TRIM71: variants seen among roughly 807,000 people sequenced by gnomAD.
The protein encoded by TRIM71 is E3 ubiquitin-protein ligase TRIM71.
In TRIM71, 9 loss-of-function variants were observed where a neutral mutation model predicts 61.2. That is an observed-to-expected ratio of 0.15 (90% CI 0.09 to 0.26). The LOEUF (loss-of-function observed/expected upper bound fraction) is 0.26, where lower values mean the gene tolerates loss of function less well. TRIM71 is among the 10% of genes least tolerant of loss of function. The probability of loss-of-function intolerance (pLI) is 1.00; values close to 1 mark genes in which losing one functional copy is unlikely to be tolerated. For missense variants in TRIM71, 998 were observed against 1,238.7 expected (o/e 0.81, Z 2.92); for synonymous variants, 645 against 553.2 (o/e 1.17, Z -2.33).
chr3:32,838,443 C>T (rs571105951), intron 1 of TRIM71, among the ~76,000 whole-genome samples: 4 of 151,102 alleles, frequency 2.6e-5, no homozygotes, highest in African/African-American at 4.9e-5. Context: ...AGGCTGGTCT[C>T]GAACTCCTGA....
chr3:32,865,815 C>CTTTTT (rs139123002), intron 1 of TRIM71, among the ~76,000 whole-genome samples: 5 of 16,298 alleles, frequency 3.1e-4, no homozygotes, highest in African/African-American at 6.0e-4. Context: ...CCCGCCCCAC[C>CTTTTT]TTTTTTTTTT....
chr3:32,834,790 C>T lies in TRIM71; in HGVS notation c.852+15858C>T, dbSNP rs528594911. ...CTGGGAGGTGGAGGTTGCAGTGAGC[C>T]GAGATCGCACGGCTGCACTCCAGCC... On this transcript the variant is annotated intron_variant, in intron 1 of 3. Coordinates refer to ENST00000383763, the MANE Select transcript of TRIM71 (RefSeq NM_001039111.3). Among the ~76,000 whole-genome samples the T allele has an allele frequency of 3.6e-3, 544 of 152,072 alleles. 4 individuals are homozygous for T. The highest frequency in any genetic ancestry group is 0.012 in the African/African-American group (516 of 41,484).
intron 1 of TRIM71, among the ~76,000 whole-genome samples, chr3:32,837,939 G>A (rs1205334792): frequency 1.3e-5 from 2 of 152,192 alleles, no homozygotes; most frequent in Non-Finnish European, 2.9e-5. Flanking sequence ...AGGGCACATT[G>A]TTTTCCTCTG....
At chr3:32,836,258 C>A (rs1324310335) in intron 1 of TRIM71, among the ~76,000 whole-genome samples, 1 of 148,816 alleles carries the variant, frequency 6.7e-6, no homozygotes, top group Non-Finnish European at 1.5e-5. Flanking sequence ...TGCCATCAAT[C>A]TAATGAAAAA....
At chr3:32,838,990 G>A (rs191041498) in intron 1 of TRIM71, among the ~76,000 whole-genome samples, 91 of 151,252 alleles carry the variant, frequency 6.0e-4, no homozygotes, top group Admixed American at 2.0e-3. Flanking sequence ...TAATAGAGTC[G>A]GGGTTTCACC....
At chr3:32,840,365 T>A (rs1362368935) in intron 1 of TRIM71, among the ~76,000 whole-genome samples, 1 of 152,154 alleles carries the variant, frequency 6.6e-6, no homozygotes, top group Non-Finnish European at 1.5e-5. Flanking sequence ...AGTAAAATGT[T>A]TGCACTGGTT....
Position 32,891,372 on chromosome 3 carries a change from G to A in TRIM71, c.2168G>A (p.Arg723Gln). The A allele has an allele frequency of 1.2e-6, 2 of 1,614,112 alleles. No individual in the cohort carries two copies. The highest frequency in any genetic ancestry group is 1.7e-6 in the Non-Finnish European group (2 of 1,180,030). The change falls in exon 4 of 4, where the codon CGG (arginine) becomes CAG (glutamine). Residue 723 changes from arginine to glutamine, a missense_variant. Arg to Gln is a conservative substitution (Grantham distance 43). Coordinates refer to ENST00000383763, the MANE Select transcript of TRIM71 (RefSeq NM_001039111.3). This position sits in a 1 kb window ranked among gnomAD's most constrained non-coding sequence, Gnocchi z 8.2. ...CTGGTCTCAGACACGAGGAACCACC[G>A]GATCCAGCTGTTTGGGCCTGATGGT... ...KILVSDTRNH[R>Q]IQLFGPDGVF...
chr3:32,846,620 A>G (rs2125680640), intron 1 of TRIM71, among the ~76,000 whole-genome samples: 1 of 152,130 alleles, frequency 6.6e-6, no homozygotes, highest in South Asian at 2.1e-4. Flanking sequence ...TGAAACTTTT[A>G]ACCGACATCT....
At chr3:32,852,353 G>C (rs570236170) in intron 1 of TRIM71, among the ~76,000 whole-genome samples, 1 of 152,234 alleles carries the variant, frequency 6.6e-6, no homozygotes, top group Admixed American at 6.5e-5. Flanking sequence ...GTCCACTACT[G>C]GGTTTATGCC....
intron 1 of TRIM71, among the ~76,000 whole-genome samples, chr3:32,853,489 ATGGACATTTAGTT>A (rs1334198528): frequency 6.6e-6 from 1 of 152,210 alleles, no homozygotes; most frequent in Non-Finnish European, 1.5e-5. Context: ...TACTCTATTA[ATGGACATTTAGTT>A]TGCTTCCAGT....
intron 1 of TRIM71, among the ~76,000 whole-genome samples, chr3:32,863,002 A>C (rs1385904505): frequency 6.6e-6 from 1 of 152,160 alleles, no homozygotes; most frequent in African/African-American, 2.4e-5. Context: ...AAATGGTAGC[A>C]ACCTATTAGA....
intron 2 of TRIM71, among the ~76,000 whole-genome samples, chr3:32,876,977 A>G (rs1193066552): frequency 6.6e-6 from 1 of 152,132 alleles, no homozygotes; most frequent in Non-Finnish European, 1.5e-5. Context: ...GTGTGTGCCC[A>G]ACATTAATCT....
chr3:32,831,610 C>A (rs527375689), intron 1 of TRIM71, among the ~76,000 whole-genome samples: 107 of 145,446 alleles, frequency 7.4e-4, no homozygotes, highest in African/African-American at 2.6e-3. Context: ...GCGATCTCGG[C>A]TCTCTGCAAC....
intron 1 of TRIM71, among the ~76,000 whole-genome samples, chr3:32,825,312 CTTTT>C (rs536941874): frequency 6.6e-6 from 1 of 151,802 alleles, no homozygotes; most frequent in East Asian, 1.9e-4. Flanking sequence ...GGCTAAAACG[CTTTT>C]TTTTAAGTGG....
intron 1 of TRIM71, among the ~76,000 whole-genome samples, chr3:32,859,628 C>A (rs911934084): frequency 3.3e-5 from 5 of 152,174 alleles, no homozygotes; most frequent in African/African-American, 1.2e-4. Context: ...GTTGGTCTTT[C>A]TTCTGATTGT....
intron 1 of TRIM71, among the ~76,000 whole-genome samples, chr3:32,826,193 T>G (rs1170012306): frequency 6.6e-6 from 1 of 152,142 alleles, no homozygotes; most frequent in Non-Finnish European, 1.5e-5. Flanking sequence ...GTGCGGTGGC[T>G]TACGCCTGCA....
At position 32,818,926 on chromosome 3, in the gene TRIM71, C is replaced by G. The variant is rs764324502; in HGVS notation, c.846C>G (p.Asp282Glu). The G allele has an allele frequency of 6.2e-6, 10 of 1,612,022 alleles. No individual in the cohort carries two copies. The East Asian group carries it at 2.2e-4, about 36-fold the overall frequency. The change falls in exon 1 of 4, where the codon GAC becomes GAG. Residue 282 changes from aspartate (D) to glutamate (E), a missense_variant. Asp to Glu is a conservative substitution (Grantham distance 45). Transcript: ENST00000383763. ...GCCTCGGCTTCTGCCAGCACCACGACGACGAGGTGAGTGCGTGGGGGCGTG... is the reference window on the plus strand; with the variant it reads ...GCCTCGGCTTCTGCCAGCACCACGAGGACGAGGTGAGTGCGTGGGGGCGTG... ...PERLGFCQHHDDEVLHLYCDT... is the reference protein window; with the variant it reads ...PERLGFCQHHEDEVLHLYCDT...
At chr3:32,865,814 C>A (rs1363583362) in intron 1 of TRIM71, among the ~76,000 whole-genome samples, 1 of 31,810 alleles carries the variant, frequency 3.1e-5, no homozygotes, top group African/African-American at 1.0e-4. Flanking sequence ...CCCCGCCCCA[C>A]CTTTTTTTTT....
chr3:32,871,269 G>T (rs1245008913), intron 1 of TRIM71, among the ~76,000 whole-genome samples: 1 of 152,174 alleles, frequency 6.6e-6, no homozygotes, highest in East Asian at 1.9e-4. Context: ...TAGCCATGGA[G>T]ATGAGAGCAA....
Sources: gnomAD v4.1 joint callset for allele counts (sites outside exome capture counted in the v4.1 genomes callset) on GRCh38, gnomAD v4.1.1 for gene constraint, Gnocchi (gnomAD v3.1) non-coding constraint, MANE v1.5 for transcripts, NCBI Gene and HGNC (gene_info 2026-07-23, HGNC 2026-07-21) for gene names.